The following TRPM1 variants were observed in gnomAD, a reference collection of about 807,000 sequenced individuals.
TRPM1 encodes the protein TRPM1-203 APA Isoform, Intron 10.
In TRPM1, 113 loss-of-function variants were observed where a neutral mutation model predicts 149.4. The ratio of observed to expected loss-of-function variants is 0.76; its 90% CI spans 0.65 to 0.88. The LOEUF is 0.88. TRPM1 is among the 40% of genes least tolerant of loss of function. TRPM1 has a pLI of 0.00. For synonymous variants in TRPM1, 741 were observed against 759.5 expected, an observed-to-expected ratio of 0.98 and a Z score of 0.40; for missense variants, 1,976 against 2,038.7, an observed-to-expected ratio of 0.97 and a Z score of 0.59.
At chr15:31,030,496 GATT>G (rs1223823344) in intron 23 of TRPM1, among the ~76,000 whole-genome samples, 1 of 152,164 alleles carries the variant, frequency 6.6e-6, no homozygotes, top group East Asian at 1.9e-4. Context: ...CTAACATCCA[GATT>G]ATTTTTGATA....
chr15:31,066,664 A>G (rs2034385096), intron 6 of TRPM1, among the ~76,000 whole-genome samples: 1 of 152,236 alleles, frequency 6.6e-6, no homozygotes, highest in Non-Finnish European at 1.5e-5. Context: ...ACGCGTGTTC[A>G]GAGAACTATG....
At chr15:31,048,291 G>A (rs1234159863) in intron 13 of TRPM1, among the ~76,000 whole-genome samples, 1 of 151,950 alleles carries the variant, frequency 6.6e-6, no homozygotes, top group East Asian at 1.9e-4. Flanking sequence ...AAATAAATAA[G>A]TTTTTTTCTT....
At chr15:31,112,478 G>A (rs759742775) in intron 1 of TRPM1, among the ~76,000 whole-genome samples, 2 of 152,178 alleles carry the variant, frequency 1.3e-5, no homozygotes, top group Non-Finnish European at 2.9e-5. Flanking sequence ...TAACACCCTA[G>A]TTAAGGATTG....
intron 1 of TRPM1, among the ~76,000 whole-genome samples, chr15:31,093,113 T>C (rs1358463522): frequency 6.6e-6 from 1 of 151,744 alleles, no homozygotes; most frequent in Non-Finnish European, 1.5e-5. Context: ...ATAAAAAAAT[T>C]AGCTGGGTGT....
chr15:31,096,483 G>C (rs1026682587), intron 1 of TRPM1, among the ~76,000 whole-genome samples: 3 of 152,186 alleles, frequency 2.0e-5, no homozygotes, highest in Non-Finnish European at 2.9e-5. Context: ...ATTCCAGCAA[G>C]GATCTTGGGG....
intron 1 of TRPM1, among the ~76,000 whole-genome samples, chr15:31,091,146 C>G (rs896541037): frequency 6.6e-6 from 1 of 152,220 alleles, no homozygotes; most frequent in Admixed American, 6.5e-5. Context: ...CTGCAATTCC[C>G]TCATCCATGG....
rs61734295 is a variant in TRPM1 at position 31,001,956 on chromosome 15, C to T, written c.4744G>A (p.Val1582Met). The T allele has an allele frequency of 0.012, 19,493 of 1,614,090 alleles. 154 individuals carry two copies. The highest frequency in any genetic ancestry group is 0.015 in the Non-Finnish European group (17,618 of 1,179,996). Residue 1582 changes from valine to methionine, a missense_variant, in exon 28 of 28, where the codon GTG (valine) becomes ATG (methionine). This residue lies in a region of TRPM1 where 572 missense variants were observed against 578.9 expected (regional missense o/e 0.99). Coordinates refer to ENST00000256552, the MANE Select transcript of TRPM1 (RefSeq NM_001252024.2). ...TCTAACTTTCCCTGAATGGATTTCA[C>T]ATTCCTAGGATGTCCATGTAAACTT... ...SKSLHGHPRN[V>M]KSIQGKLDRS...
chr15:31,108,582 A>T (rs1171900686), intron 1 of TRPM1, among the ~76,000 whole-genome samples: 2 of 152,004 alleles, frequency 1.3e-5, no homozygotes, highest in East Asian at 3.9e-4. Context: ...CAACCTCTGC[A>T]TCCCGGGTTC....
At chr15:31,092,095 A>C (rs2035255030) in intron 1 of TRPM1, among the ~76,000 whole-genome samples, 1 of 30,222 alleles carries the variant, frequency 3.3e-5, no homozygotes, top group Admixed American at 5.4e-4. Flanking sequence ...CTCTGGACTG[A>C]GGAGGCTCTT....
In TRPM1 at chr15:31,030,996, T is replaced by C; in HGVS notation, c.3114A>G (p.Ala1038=). The C allele has an allele frequency of 6.2e-7, 1 of 1,614,214 alleles. No homozygotes were observed. The highest frequency in any genetic ancestry group is 1.1e-5 in the South Asian group (1 of 91,082). ...TTCTACTCTTACGGTCTATCTGGTC[T>C]GCAAACACCTCTCCATAGATCATCC... ...PYWMIYGEVF[A]DQIDLYAMEI... is the part of the protein sequence containing the mutation. Residue 1038 remains alanine (A), a synonymous_variant, in exon 23 of 28, where the codon GCA becomes GCG. Coordinates refer to ENST00000256552, the MANE Select transcript of TRPM1 (RefSeq NM_001252024.2).
At chr15:31,113,012 G>C (rs549572510) in intron 1 of TRPM1, among the ~76,000 whole-genome samples, 18 of 152,322 alleles carry the variant, frequency 1.2e-4, no homozygotes, top group African/African-American at 3.8e-4. Context: ...GTGCCGGTAA[G>C]TGTTCCGTGT....
intron 1 of TRPM1, among the ~76,000 whole-genome samples, chr15:31,113,391 G>C (rs1227183719): frequency 4.0e-5 from 6 of 151,732 alleles, no homozygotes; most frequent in Admixed American, 3.3e-4. Context: ...GTTCTCCAAA[G>C]GGTCACCTAT....
chr15:31,069,554 G>T (rs2034473786), intron 4 of TRPM1: 2 of 1,184,924 alleles, frequency 1.7e-6, no homozygotes. Flanking sequence ...CACTGGAAGG[G>T]CAGAGGGCAC....
chr15:31,088,325 G>A (rs1032484288), intron 1 of TRPM1, among the ~76,000 whole-genome samples: 3 of 152,180 alleles, frequency 2.0e-5, no homozygotes, highest in South Asian at 2.1e-4. Context: ...CAATCCGCTC[G>A]GGTCTCCTTA....
intron 1 of TRPM1, among the ~76,000 whole-genome samples, chr15:31,084,526 G>T (rs999823398): frequency 6.6e-6 from 1 of 152,088 alleles, no homozygotes; most frequent in African/African-American, 2.4e-5. Flanking sequence ...TCCAGGTAGC[G>T]CAGATCAGGA....
Position 31,067,937 on chromosome 15 carries a change from G to C in TRPM1, c.435C>G (p.Gly145=). The change falls in exon 5 of 28, where the codon GGC becomes GGG. Residue 145 remains glycine (G), a synonymous_variant. Coordinates refer to ENST00000256552, the MANE Select transcript of TRPM1 (RefSeq NM_001252024.2). ...QPKLKQVFGK[G]LIKAAMTTGA... ...CGGTGGTCATAGCAGCCTTGATCAG[G>C]CCTTTCCCAAAGACTTGTTTCAGCT... The C allele has an allele frequency of 1.2e-6, 2 of 1,614,074 alleles. No homozygotes were observed. Among genetic ancestry groups the C allele is most frequent in the Non-Finnish European group, 8.5e-7 (1 of 1,180,022 alleles).
intron 1 of TRPM1, among the ~76,000 whole-genome samples, chr15:31,086,715 T>A (rs1196804683): frequency 1.3e-5 from 2 of 152,182 alleles, no homozygotes; most frequent in Admixed American, 1.3e-4. Flanking sequence ...GGCCCACAGA[T>A]CCTGTGCCAG....
chr15:31,050,627 T>C, intron 11 of TRPM1, 45 bp from the exon 12 acceptor site: 1 of 1,610,068 alleles, frequency 6.2e-7, no homozygotes, highest in Non-Finnish European at 8.5e-7. Context: ...ACTAAGGCTC[T>C]TTCTTGTCCC....
Position 31,027,217 on chromosome 15 carries a change from A to G in TRPM1, c.3294-100T>C. On this transcript the variant is annotated intron_variant, in intron 25 of 27. Coordinates refer to ENST00000256552, the MANE Select transcript of TRPM1 (RefSeq NM_001252024.2). Reference sequence around the variant, plus strand: ...CACATTTAAGTGAAAATACTCAATGAGATGGCCTTTTAGTGCCCTTTAGTA... The same window carrying G: ...CACATTTAAGTGAAAATACTCAATGGGATGGCCTTTTAGTGCCCTTTAGTA... 3.5e-6 allele frequency: 4 copies of G among 1,140,822 alleles called. No individual in the cohort carries two copies. The South Asian group carries it at 5.3e-5, about 15-fold the overall frequency. 70.7% of individuals were successfully genotyped at this position (1,140,822 alleles called of 1,614,324 possible). A position where few individuals can be genotyped will look rare whatever the true frequency, so the allele number is the denominator to read the frequency against.
Sources: allele counts gnomAD v4.1 joint callset (sites outside exome capture counted in the v4.1 genomes callset), GRCh38; gene constraint gnomAD v4.1.1; regional missense constraint gnomAD v4.1.1; transcripts MANE v1.5; gene names NCBI Gene and HGNC (gene_info 2026-07-23, HGNC 2026-07-21).